Variants in RPH3AL observed in about 807,000 individuals in gnomAD.
RPH3AL encodes rab effector Noc2.
RPH3AL carries 38 observed loss-of-function variants against 43.1 expected under a neutral mutation model. The ratio of observed to expected loss-of-function variants is 0.88; its 90% CI spans 0.68 to 1.15. The LOEUF (loss-of-function observed/expected upper bound fraction) is 1.15. Among genes scored for constraint, RPH3AL ranks in the 50% most tolerant of loss-of-function variants. The probability of loss-of-function intolerance (pLI) is 0.00; values close to 1 mark genes in which losing one functional copy is unlikely to be tolerated. For missense variants in RPH3AL, 462 were observed against 423.2 expected (o/e 1.09, Z -0.81); for synonymous variants, 189 against 176.3 (o/e 1.07, Z -0.57).
intron 6 of RPH3AL, among the ~76,000 whole-genome samples, chr17:250,473 G>A (rs1441643736): frequency 9.6e-5 from 13 of 135,246 alleles, no homozygotes; most frequent in African/African-American, 2.6e-4. Context: ...AAGTGCCATC[G>A]CTGTGGGACC....
At chr17:348,023 T>TA (rs2045274863) in intron 1 of RPH3AL, among the ~76,000 whole-genome samples, 1 of 147,816 alleles carries the variant, frequency 6.8e-6, no homozygotes, top group African/African-American at 2.5e-5. Context: ...AAAATTAAAT[T>TA]AATTAAAAGA....
intron 6 of RPH3AL, among the ~76,000 whole-genome samples, chr17:265,082 T>A (rs2042288836): frequency 6.6e-6 from 1 of 152,130 alleles, no homozygotes; most frequent in African/African-American, 2.4e-5. Flanking sequence ...GAAGAGGGAA[T>A]TAAGAGACAT....
intron 5 of RPH3AL, among the ~76,000 whole-genome samples, chr17:296,440 C>G (rs958729424): frequency 2.8e-4 from 43 of 151,620 alleles, no homozygotes; most frequent in African/African-American, 9.7e-4. Flanking sequence ...AGAGGAGCTG[C>G]AGACATGAAC....
In RPH3AL at chr17:333,167, C is replaced by A; in HGVS notation, c.-37+592G>T. On this transcript the variant is annotated intron_variant, in intron 2 of 9. Coordinates refer to ENST00000331302, the MANE Select transcript of RPH3AL (RefSeq NM_006987.4). The surrounding 1 kb of genome is among the most constrained non-coding windows in gnomAD (Gnocchi z 4.5). Reference sequence around the variant, plus strand: ...ATTAGAGCTCACCACCCCGGGCGTTCGTCACTGCAGACATCACTGCAGACA... The same window carrying A: ...ATTAGAGCTCACCACCCCGGGCGTTAGTCACTGCAGACATCACTGCAGACA... 5.9e-6 allele frequency: 7 copies of A among 1,185,852 alleles called. No individual in the cohort carries two copies. The highest frequency in any genetic ancestry group is 7.5e-6 in the Non-Finnish European group (7 of 937,768). The allele number at this position is 1,185,852 out of a possible 1,614,324, so 73.5% of individuals were successfully genotyped here. A position where few individuals can be genotyped will look rare whatever the true frequency, so the allele number is the denominator to read the frequency against.
chr17:284,925 G>A (rs1368966095), intron 5 of RPH3AL, among the ~76,000 whole-genome samples: 1 of 152,146 alleles, frequency 6.6e-6, no homozygotes, highest in African/African-American at 2.4e-5. Context: ...CCACAGTAGA[G>A]TGAGGTCTGG....
At chr17:269,016 C>A (rs946476015) in intron 6 of RPH3AL, among the ~76,000 whole-genome samples, 1 of 152,024 alleles carries the variant, frequency 6.6e-6, no homozygotes, top group African/African-American at 2.4e-5. Flanking sequence ...GTAGCTGGGA[C>A]TACAGGCGCC....
At chr17:235,119 C>T (rs1416528627) in intron 7 of RPH3AL, among the ~76,000 whole-genome samples, 14 of 151,984 alleles carry the variant, frequency 9.2e-5, no homozygotes, top group African/African-American at 3.1e-4. Context: ...AAGCTGGGGT[C>T]GGCCGAGGCT....
rs559457508 is a variant in RPH3AL, at chr17:215,664, C to A, written c.866G>T (p.Arg289Leu). The A allele has an allele frequency of 3.9e-6, 5 of 1,276,946 alleles. No individual in the cohort carries two copies. The highest frequency in any genetic ancestry group is 4.1e-5 in the Admixed American group (1 of 24,386). 79.1% of individuals were successfully genotyped at this position (1,276,946 alleles called of 1,614,324 possible). The change falls in exon 9 of 10, where the codon CGA becomes CTA. Residue 289 changes from arginine (R) to leucine (L), a missense_variant. Coordinates refer to ENST00000331302, the MANE Select transcript of RPH3AL (RefSeq NM_006987.4). The surrounding 1 kb of genome is among the most constrained non-coding windows in gnomAD (Gnocchi z 4.1). ...CAGTTGGGTACTCACCGGGGCCCTT[C>A]GGGTCAGCCCGGGGCGGGGTCCCCC... ...PPGGPRPGLT[R>L]RAPVKDTPGR...
chr17:351,475 C>T (rs1472233232), intron 1 of RPH3AL, among the ~76,000 whole-genome samples: 2 of 152,114 alleles, frequency 1.3e-5, no homozygotes, highest in Non-Finnish European at 2.9e-5. Flanking sequence ...TAGATTACAC[C>T]AAGAATCGTA....
rs2043009552 is a variant in RPH3AL at position 289,961 on chromosome 17, A to T, written c.352-8107T>A. 6.6e-6 allele frequency among the ~76,000 whole-genome samples: 1 copy of T among 152,046 alleles called. No homozygotes were observed. Among genetic ancestry groups the T allele is most frequent in the Non-Finnish European group, 1.5e-5 (1 of 68,004 alleles). ...GCTGTGTGGCTGCAGGGCTCCTGTG[A>T]CTTCCCCTGCTGGGCCGTCATCTTC... On this transcript the variant is annotated intron_variant, in intron 5 of 9. Coordinates refer to ENST00000331302, the MANE Select transcript of RPH3AL (RefSeq NM_006987.4). The surrounding 1 kb of genome is among the most constrained non-coding windows in gnomAD (Gnocchi z 5.2).
chr17:226,198 C>T (rs2041103481), intron 7 of RPH3AL, among the ~76,000 whole-genome samples: 1 of 152,226 alleles, frequency 6.6e-6, no homozygotes, highest in African/African-American at 2.4e-5. Context: ...TCTTCATCTC[C>T]ATTTATAGAC....
At chr17:332,534 G>A (rs542402908) in intron 2 of RPH3AL, 16 of 170,520 alleles carry the variant, frequency 9.4e-5, no homozygotes, top group Non-Finnish European at 1.7e-4. Context: ...CAAAGTAGGT[G>A]CTCAGGGAAT....
chr17:224,681 A>T lies in RPH3AL; in HGVS notation c.614-4945T>A, dbSNP rs76249714. Among the ~76,000 whole-genome samples the T allele has an allele frequency of 1.6e-3, 245 of 152,150 alleles. 1 individual carries two copies. The highest frequency in any genetic ancestry group is 5.1e-3 in the African/African-American group (212 of 41,492). On this transcript the variant is annotated intron_variant, in intron 7 of 9. Coordinates refer to ENST00000331302, the MANE Select transcript of RPH3AL (RefSeq NM_006987.4). The stretch of plus-strand genomic sequence containing the variant: ...ACTGGAGCAAGAGTGATGAGCATGG[A>T]CTATTCTCAATAGCAAAGACTTGGA...
rs139388432 is a variant in RPH3AL at position 320,273 on chromosome 17, G to A, written c.222-724C>T. 7.1e-3 allele frequency among the ~76,000 whole-genome samples: 1,077 copies of A among 151,016 alleles called. 20 individuals carry two copies. Among genetic ancestry groups the A allele is most frequent in the South Asian group, 0.011 (54 of 4,742 alleles). On this transcript the variant is annotated intron_variant, in intron 4 of 9. Transcript: ENST00000331302. ...CAGGGGCATGTTCCATGGGACCAGC[G>A]AAGGCTCTCGGAGAACACGTGGACT...
chr17:262,258 AC>A (rs1460429131), intron 6 of RPH3AL, among the ~76,000 whole-genome samples: 2 of 151,958 alleles, frequency 1.3e-5, no homozygotes, highest in Non-Finnish European at 1.5e-5. Flanking sequence ...TCGCTCTGTC[AC>A]CCAGGCTGGA....
chr17:288,942 C>G (rs566668191), intron 5 of RPH3AL, among the ~76,000 whole-genome samples: 73 of 151,834 alleles, frequency 4.8e-4, no homozygotes, highest in African/African-American at 1.7e-3. Flanking sequence ...CGTCAGACCT[C>G]GCACCCTCTC....
At chr17:291,002 G>A (rs962334231) in intron 5 of RPH3AL, among the ~76,000 whole-genome samples, 1 of 152,150 alleles carries the variant, frequency 6.6e-6, no homozygotes, top group Admixed American at 6.5e-5. Context: ...GGCTGTTCAT[G>A]AGCCTCACTC....
intron 5 of RPH3AL, among the ~76,000 whole-genome samples, chr17:282,862 T>C (rs1054097703): frequency 7.9e-5 from 12 of 152,352 alleles, no homozygotes; most frequent in South Asian, 6.2e-4. Flanking sequence ...TATCTAAATA[T>C]ATCATAGAAA....
chr17:241,721 C>CTTT (rs58397357), intron 7 of RPH3AL, among the ~76,000 whole-genome samples: 41 of 133,994 alleles, frequency 3.1e-4, no homozygotes, highest in East Asian at 1.7e-3. Flanking sequence ...CTTTTTTTTT[C>CTTT]TTTTTTTTTT....
Sources: allele counts gnomAD v4.1 joint callset (sites outside exome capture counted in the v4.1 genomes callset), GRCh38; gene constraint gnomAD v4.1.1; non-coding constraint Gnocchi (gnomAD v3.1); transcripts MANE v1.5; gene names NCBI Gene and HGNC (gene_info 2026-07-23, HGNC 2026-07-21).